Variants in ONECUT3 observed in about 807,000 individuals in gnomAD.
The protein encoded by ONECUT3 is one cut domain family member 3.
In ONECUT3, 11 loss-of-function variants were observed where a neutral mutation model predicts 16.8. That is an observed-to-expected ratio of 0.66 (90% CI 0.41 to 1.09). ONECUT3 has a LOEUF of 1.09. ONECUT3 is among the 50% of genes least tolerant of loss of function. The probability of loss-of-function intolerance (pLI) is 0.00; values close to 1 mark genes in which losing one functional copy is unlikely to be tolerated. For missense variants in ONECUT3, 637 were observed against 629.9 expected, an observed-to-expected ratio of 1.01 and a Z score of -0.12; for synonymous variants, 344 against 310.7, an observed-to-expected ratio of 1.11 and a Z score of -1.13.
At position 1,776,228 on chromosome 19, in the gene ONECUT3, C is replaced by CCCCCG. The variant is rs1280727574; in HGVS notation, c.*794_*798dup. On this transcript the variant is annotated 3_prime_UTR_variant, in exon 2 of 2. Transcript: ENST00000382349. The surrounding 1 kb of genome is among the most constrained non-coding windows in gnomAD (Gnocchi z 4.9). Reference sequence around the variant, plus strand: ...CCCACGTGCGGGTAAATTCCAGACGCCCCCGCCCCGCCCCGTCTGTTGAGT... The same window carrying CCCCCG: ...CCCACGTGCGGGTAAATTCCAGACGCCCCCGCCCCGCCCCGCCCCGTCTGTTGAGT... 6 of 152,364 alleles carry CCCCCG rather than the reference C, an allele frequency of 3.9e-5. No individual in the cohort carries two copies. Among genetic ancestry groups the CCCCCG allele is most frequent in the African/African-American group, 1.4e-4 (6 of 41,464 alleles). The allele number at this position is 152,364 out of a possible 1,614,324, so 9.4% of individuals were successfully genotyped here.
chr19:1,766,323 C>T lies in ONECUT3; in HGVS notation c.1193-8830C>T, dbSNP rs991836616. Among the ~76,000 whole-genome samples, 25 of 152,164 alleles carry T rather than the reference C, an allele frequency of 1.6e-4. No homozygotes were observed. Among genetic ancestry groups the T allele is most frequent in the Non-Finnish European group, 2.9e-4 (20 of 68,026 alleles). ...CAGCCCGCACGCGGCCAACGTCAGG[C>T]GCGCGCAGAGGCACCCACGGGCCCG... On this transcript the variant is annotated intron_variant, in intron 1 of 1. Transcript: ENST00000382349. This position sits in a 1 kb window ranked among gnomAD's most constrained non-coding sequence, Gnocchi z 4.0.
At chr19:1,769,135 G>T (rs1025313430) in intron 1 of ONECUT3, among the ~76,000 whole-genome samples, 7 of 151,104 alleles carry the variant, frequency 4.6e-5, no homozygotes, top group African/African-American at 1.7e-4. Context: ...TGGAGATGGA[G>T]GTGGAGGTCG....
At position 1,754,925 on chromosome 19, in the gene ONECUT3, G is replaced by A; in HGVS notation, c.1192+71G>A. The A allele has an allele frequency of 2.3e-6, 3 of 1,284,428 alleles. No individual in the cohort carries two copies. Among genetic ancestry groups the A allele is most frequent in the Middle Eastern group, 2.7e-4 (1 of 3,704 alleles). The allele number at this position is 1,284,428 out of a possible 1,614,324, so 79.6% of individuals were successfully genotyped here. A position where few individuals can be genotyped will look rare whatever the true frequency, so the allele number is the denominator to read the frequency against. On this transcript the variant is annotated intron_variant, in intron 1 of 1. Transcript: ENST00000382349. This position sits in a 1 kb window ranked among gnomAD's most constrained non-coding sequence, Gnocchi z 7.4. ...GGACTCCCGAGCACCTAGCGGGGCG[G>A]CGGCCGATGCCCGGGGCCAGCGCCC...
intron 1 of ONECUT3, among the ~76,000 whole-genome samples, chr19:1,767,040 G>A (rs2145963210): frequency 6.6e-6 from 1 of 152,208 alleles, no homozygotes; most frequent in East Asian, 1.9e-4. Flanking sequence ...TTGCTCCTGG[G>A]CGTTGAGGAA....
At chr19:1,775,126 G>GGGGGGCCCCC in intron 1 of ONECUT3, 27 bp from the exon 2 acceptor site, 1 of 1,143,898 alleles carries the variant, frequency 8.7e-7, no homozygotes, top group Non-Finnish European at 1.2e-6. Context: ...TGTCCCGCTC[G>GGGGGGCCCCC]CCCGCCCGCC....
rs529367090 is a variant in ONECUT3 at position 1,766,304 on chromosome 19, G to A, written c.1193-8849G>A. Among the ~76,000 whole-genome samples the A allele has an allele frequency of 3.9e-5, 6 of 152,236 alleles. No individual in the cohort carries two copies. The East Asian group carries it at 5.8e-4, about 15-fold the overall frequency. ...GGACGGAGGCTGGCACCCTCAGCCC[G>A]CACGCGGCCAACGTCAGGCGCGCGC... On this transcript the variant is annotated intron_variant, in intron 1 of 1. Transcript: ENST00000382349. The surrounding 1 kb of genome is among the most constrained non-coding windows in gnomAD (Gnocchi z 4.0).
In ONECUT3 at chr19:1,754,565, A is replaced by AGGCGGCGGCCCCGGCGGGAGC. The variant is rs1383555334; in HGVS notation, c.916_936dup (p.Gly306_Pro312dup). 7 of 1,091,342 alleles carry AGGCGGCGGCCCCGGCGGGAGC rather than the reference A, an allele frequency of 6.4e-6. No individual in the cohort carries two copies. Among genetic ancestry groups the AGGCGGCGGCCCCGGCGGGAGC allele is most frequent in the East Asian group, 5.8e-5 (1 of 17,264 alleles). 67.6% of individuals were successfully genotyped at this position (1,091,342 alleles called of 1,614,324 possible). A position where few individuals can be genotyped will look rare whatever the true frequency, so the allele number is the denominator to read the frequency against. On this transcript the variant is annotated inframe_insertion, in exon 1 of 2. Coordinates refer to ENST00000382349, the MANE Select transcript of ONECUT3 (RefSeq NM_001080488.2). This position sits in a 1 kb window ranked among gnomAD's most constrained non-coding sequence, Gnocchi z 7.4. ...CCGGGGCGCACGGGCCGCACGGGGG[A>AGGCGGCGGCCCCGGCGGGAGC]GGCGGCGGCCCCGGCGGGAGCGGCG... is the stretch of plus-strand genomic sequence containing the variant.
At position 1,779,787 on chromosome 19, in the gene ONECUT3, T is replaced by C. The variant is rs1261553838; in HGVS notation, c.*4342T>C. The stretch of plus-strand genomic sequence containing the variant: ...GTTTCTTTCCTCCTTTCTAAGGAAC[T>C]GTGTCCAGCCGGGACAGGTGGACGG... On this transcript the variant is annotated 3_prime_UTR_variant, in exon 2 of 2. Transcript: ENST00000382349. The C allele has an allele frequency of 6.6e-6, 1 of 152,092 alleles. No individual in the cohort carries two copies. The highest frequency in any genetic ancestry group is 2.4e-5 in the African/African-American group (1 of 41,364). 9.4% of individuals were successfully genotyped at this position (152,092 alleles called of 1,614,324 possible).
chr19:1,769,255 G>A (rs1284473654), intron 1 of ONECUT3, among the ~76,000 whole-genome samples: 1 of 151,856 alleles, frequency 6.6e-6, no homozygotes, highest in East Asian at 1.9e-4. Context: ...AGGTGGTGGA[G>A]GAGGAGGAGG....
chr19:1,767,394 A>G (rs1050090203), intron 1 of ONECUT3, among the ~76,000 whole-genome samples: 1 of 151,968 alleles, frequency 6.6e-6, no homozygotes, highest in Non-Finnish European at 1.5e-5. Flanking sequence ...AGAGGGCAGC[A>G]GGTCAGACCA....
rs72971551 is a variant in ONECUT3, at chr19:1,764,931, C to G, written c.1192+10077C>G. 6.6e-6 allele frequency among the ~76,000 whole-genome samples: 1 copy of G among 152,080 alleles called. No individual in the cohort carries two copies. Among genetic ancestry groups the G allele is most frequent in the East Asian group, 1.9e-4 (1 of 5,146 alleles). ...CAAGGAAACCGGTCATCATCCCAGC[C>G]GGAGACCGGGCTCCATATTGAATTG... On this transcript the variant is annotated intron_variant, in intron 1 of 1. Transcript: ENST00000382349. The surrounding 1 kb of genome is among the most constrained non-coding windows in gnomAD (Gnocchi z 5.0).
At position 1,755,754 on chromosome 19, in the gene ONECUT3, GTC is replaced by G. The variant is rs1265255942; in HGVS notation, c.1192+904_1192+905del. On this transcript the variant is annotated intron_variant, in intron 1 of 1. Coordinates refer to ENST00000382349, the MANE Select transcript of ONECUT3 (RefSeq NM_001080488.2). The surrounding 1 kb of genome is among the most constrained non-coding windows in gnomAD (Gnocchi z 7.5). ...TCTCCCTGTCGGTCTCTCCGCCTCT[GTC>G]TCTGTCTCATACTCAGCCACCGGCC... 9.9e-5 allele frequency among the ~76,000 whole-genome samples: 15 copies of G among 152,228 alleles called. No individual in the cohort carries two copies. In the East Asian group the frequency reaches 2.9e-3, roughly 29 times the overall value.
At position 1,759,902 on chromosome 19, in the gene ONECUT3, G is replaced by A. The variant is rs748277427; in HGVS notation, c.1192+5048G>A. 3.7e-4 allele frequency among the ~76,000 whole-genome samples: 57 copies of A among 152,230 alleles called. No homozygotes were observed. The highest frequency in any genetic ancestry group is 3.4e-3 in the Middle Eastern group (1 of 294). On this transcript the variant is annotated intron_variant, in intron 1 of 1. Transcript: ENST00000382349. This position sits in a 1 kb window ranked among gnomAD's most constrained non-coding sequence, Gnocchi z 4.1. Reference sequence around the variant, plus strand: ...GAGAACCAGACCCACGTGGGGCTGCGCGCGAGACTCAGGTGACTCTGGTGC... The same window carrying A: ...GAGAACCAGACCCACGTGGGGCTGCACGCGAGACTCAGGTGACTCTGGTGC...
At chr19:1,767,886 G>T (rs1479319044) in intron 1 of ONECUT3, among the ~76,000 whole-genome samples, 2 of 151,774 alleles carry the variant, frequency 1.3e-5, no homozygotes, top group Admixed American at 6.5e-5. Context: ...TCTTCTAGTT[G>T]ATCTCTGATC....
chr19:1,758,035 G>T lies in ONECUT3; in HGVS notation c.1192+3181G>T, dbSNP rs1469841068. Reference sequence around the variant, plus strand: ...CCGTCGCGCTTGCCCGGCTCGGGGCGGGCCACGCGTTTCCGCAGGTGCCGA... The same window carrying T: ...CCGTCGCGCTTGCCCGGCTCGGGGCTGGCCACGCGTTTCCGCAGGTGCCGA... On this transcript the variant is annotated intron_variant, in intron 1 of 1. Coordinates refer to ENST00000382349, the MANE Select transcript of ONECUT3 (RefSeq NM_001080488.2). The surrounding 1 kb of genome is among the most constrained non-coding windows in gnomAD (Gnocchi z 5.9). Among the ~76,000 whole-genome samples, 8 of 152,310 alleles carry T rather than the reference G, an allele frequency of 5.3e-5. No individual in the cohort carries two copies. The South Asian group carries it at 1.4e-3, about 28-fold the overall frequency.
At chr19:1,767,789 G>C (rs1399160300) in intron 1 of ONECUT3, among the ~76,000 whole-genome samples, 5 of 152,234 alleles carry the variant, frequency 3.3e-5, no homozygotes, top group Non-Finnish European at 4.4e-5. Context: ...CCTGGGGCGG[G>C]AGGCTGGATG....
intron 1 of ONECUT3, among the ~76,000 whole-genome samples, chr19:1,770,659 G>A (rs911737801): frequency 1.3e-5 from 2 of 152,230 alleles, no homozygotes; most frequent in Admixed American, 1.3e-4. Context: ...GGAATTTCAA[G>A]GCCCCGGTTG....
rs1600348215 is a variant in ONECUT3, at chr19:1,766,593, G to A, written c.1193-8560G>A. ...GGAGGGAGGGTGAGTGGAAAAGGAG[G>A]GGTGAGGAGGAGGAGAGGGGATGGT... On this transcript the variant is annotated intron_variant, in intron 1 of 1. Coordinates refer to ENST00000382349, the MANE Select transcript of ONECUT3 (RefSeq NM_001080488.2). The surrounding 1 kb of genome is among the most constrained non-coding windows in gnomAD (Gnocchi z 4.0). Among the ~76,000 whole-genome samples the A allele has an allele frequency of 6.6e-6, 1 of 151,742 alleles. No individual in the cohort carries two copies. Among genetic ancestry groups the A allele is most frequent in the East Asian group, 2.0e-4 (1 of 5,122 alleles).
chr19:1,761,872 G>A (rs2067948204), intron 1 of ONECUT3, among the ~76,000 whole-genome samples: 1 of 152,146 alleles, frequency 6.6e-6, no homozygotes, highest in South Asian at 2.1e-4. Flanking sequence ...GGGCAGATGT[G>A]GGGGGCGATG....
Sources: gnomAD v4.1 joint callset for allele counts (sites outside exome capture counted in the v4.1 genomes callset) on GRCh38, gnomAD v4.1.1 for gene constraint, Gnocchi (gnomAD v3.1) non-coding constraint, MANE v1.5 for transcripts, NCBI Gene and HGNC (gene_info 2026-07-23, HGNC 2026-07-21) for gene names.